CATSPERT: variants seen among roughly 807,000 people sequenced by gnomAD.
The protein encoded by CATSPERT is cation channel sperm-associated targeting subunit tau.
chr2:201,564,390 CAACT>C, the CATSPERT span, among the ~76,000 whole-genome samples: 1 of 151,932 alleles, frequency 6.6e-6, no homozygotes, highest in Non-Finnish European at 1.5e-5. Flanking sequence ...TCAGTCAAAA[CAACT>C]AAGCATGTGA....
At chr2:201,492,851 G>A in the CATSPERT span, 1 of 1,536,576 alleles carries the variant, frequency 6.5e-7, no homozygotes, top group Non-Finnish European at 8.7e-7. Flanking sequence ...GATTCTGAAA[G>A]TCTTTCTACA....
At chr2:201,495,684 G>GTT in the CATSPERT span, among the ~76,000 whole-genome samples, 2 of 117,394 alleles carry the variant, frequency 1.7e-5, no homozygotes, top group African/African-American at 3.7e-5. Context: ...GAATCCCCTT[G>GTT]GTTTTTTTTT....
At chr2:201,534,255 A>T in the CATSPERT span, 1 of 297,534 alleles carries the variant, frequency 3.4e-6, no homozygotes. Context: ...AGATAAGTCC[A>T]TCTAACATCC....
chr2:201,507,434 T>C, the CATSPERT span, among the ~76,000 whole-genome samples: 1 of 152,180 alleles, frequency 6.6e-6, no homozygotes, highest in African/African-American at 2.4e-5. Flanking sequence ...GCAACCCCAA[T>C]TAAAATCTCA....
chr2:201,508,779 C>T, the CATSPERT span, among the ~76,000 whole-genome samples: 3 of 151,860 alleles, frequency 2.0e-5, no homozygotes, highest in Non-Finnish European at 4.4e-5. Flanking sequence ...CATAATTCCT[C>T]AAAGTTCATC....
At chr2:201,562,276 C>A in the CATSPERT span, among the ~76,000 whole-genome samples, 18 of 151,496 alleles carry the variant, frequency 1.2e-4, no homozygotes, top group East Asian at 3.9e-4. Context: ...AAACCTCCCC[C>A]TCTTGGGTTC....
the CATSPERT span, among the ~76,000 whole-genome samples, chr2:201,596,801 T>C: frequency 6.6e-6 from 1 of 152,224 alleles, no homozygotes; most frequent in Non-Finnish European, 1.5e-5. Context: ...TACTGTATTT[T>C]TTAGATCTAG....
chr2:201,518,224 G>T, the CATSPERT span, among the ~76,000 whole-genome samples: 1 of 152,140 alleles, frequency 6.6e-6, no homozygotes, highest in Non-Finnish European at 1.5e-5. Flanking sequence ...GGTGGAGGTA[G>T]GGGGACTGCA....
At chr2:201,560,290 G>A in the CATSPERT span, among the ~76,000 whole-genome samples, 3 of 151,812 alleles carry the variant, frequency 2.0e-5, no homozygotes, top group African/African-American at 7.3e-5. Flanking sequence ...TAGGCTTGGT[G>A]GCTCACATCT....
chr2:201,582,167 T>C, the CATSPERT span: 1 of 1,609,402 alleles, frequency 6.2e-7, no homozygotes, highest in Non-Finnish European at 8.5e-7. Context: ...TGTCATATTG[T>C]ATGAGTTCCA....
chr2:201,576,896 T>A, the CATSPERT span, among the ~76,000 whole-genome samples: 1 of 152,234 alleles, frequency 6.6e-6, no homozygotes, highest in Non-Finnish European at 1.5e-5. Flanking sequence ...TGAGTACTTC[T>A]CGCATCTCTC....
chr2:201,614,528 C>T, the CATSPERT span, among the ~76,000 whole-genome samples: 6 of 152,134 alleles, frequency 3.9e-5, no homozygotes, highest in Non-Finnish European at 8.8e-5. Context: ...TTGTCACCAC[C>T]AGGCCTGCAT....
chr2:201,544,144 T>C, the CATSPERT span, among the ~76,000 whole-genome samples: 9 of 152,172 alleles, frequency 5.9e-5, no homozygotes, highest in Non-Finnish European at 1.3e-4. Flanking sequence ...TTGCTCAGAA[T>C]GATGGTTTTC....
the CATSPERT span, among the ~76,000 whole-genome samples, chr2:201,583,178 A>G: frequency 1.3e-5 from 2 of 152,348 alleles, no homozygotes; most frequent in Non-Finnish European, 2.9e-5. Flanking sequence ...CCCTCAGGGC[A>G]CTTCCCAATC....
the CATSPERT span, among the ~76,000 whole-genome samples, chr2:201,610,183 G>A: frequency 0.87 from 132,377 of 152,200 alleles, 58,770 homozygotes; most frequent in South Asian, 0.98. Flanking sequence ...AGCTAGGCAC[G>A]GTGGCTCATG....
chr2:201,608,646 G>A, the CATSPERT span, among the ~76,000 whole-genome samples: 84 of 151,956 alleles, frequency 5.5e-4, 2 homozygotes, highest in South Asian at 0.015. Flanking sequence ...GCAAAACCAC[G>A]TCTCTACAAA....
At chr2:201,504,244 C>T in the CATSPERT span, among the ~76,000 whole-genome samples, 5 of 152,212 alleles carry the variant, frequency 3.3e-5, no homozygotes, top group Admixed American at 3.3e-4. Flanking sequence ...TTCTGTTTGG[C>T]TTCCCGCTCC....
At chr2:201,494,150 CT>C in the CATSPERT span, 1 of 1,532,374 alleles carries the variant, frequency 6.5e-7, no homozygotes, top group Non-Finnish European at 8.7e-7. Flanking sequence ...TTGTTTAAAT[CT>C]TGTTTTTTTT....
the CATSPERT span, chr2:201,492,848 A>C: frequency 6.5e-7 from 1 of 1,536,632 alleles, no homozygotes; most frequent in Non-Finnish European, 8.7e-7. Context: ...CCTGATTCTG[A>C]AAGTCTTTCT....
Sources: allele counts gnomAD v4.1 joint callset (sites outside exome capture counted in the v4.1 genomes callset), GRCh38; gene constraint gnomAD v4.1.1; transcripts MANE v1.5; gene names NCBI Gene and HGNC (gene_info 2026-07-23, HGNC 2026-07-21).